EIF4E: variants seen among roughly 807,000 people sequenced by gnomAD.
EIF4E encodes the protein eIF-4F 25 kDa subunit.
For missense variants in EIF4E, 113 were observed against 265.6 expected (o/e 0.43, Z 3.99); for synonymous variants, 71 against 88.5 (o/e 0.80, Z 1.11).
At chr4:98,925,398 A>C (rs1296138044) in intron 1 of EIF4E, among the ~76,000 whole-genome samples, 1 of 152,258 alleles carries the variant, frequency 6.6e-6, no homozygotes, top group Non-Finnish European at 1.5e-5. Flanking sequence ...ACTGGAGGTA[A>C]GATGGCCTTG....
At chr4:98,905,234 A>T (rs992326686) in intron 1 of EIF4E, among the ~76,000 whole-genome samples, 4 of 150,668 alleles carry the variant, frequency 2.7e-5, no homozygotes, top group African/African-American at 9.8e-5. Context: ...GGGAATTTAA[A>T]AAAAAAAAAA....
chr4:98,901,565 C>T (rs1368303475), intron 2 of EIF4E, among the ~76,000 whole-genome samples: 1 of 152,182 alleles, frequency 6.6e-6, no homozygotes, highest in Non-Finnish European at 1.5e-5. Flanking sequence ...TCAACAAAAG[C>T]CTCCTATATG....
At chr4:98,904,100 C>T (rs186761040) in intron 1 of EIF4E, among the ~76,000 whole-genome samples, 147 of 151,316 alleles carry the variant, frequency 9.7e-4, no homozygotes, top group African/African-American at 3.4e-3. Flanking sequence ...ACTTTCAGAG[C>T]GTAACTCTGG....
chr4:98,893,822 A>C (rs1724253906), intron 2 of EIF4E, among the ~76,000 whole-genome samples: 2 of 152,200 alleles, frequency 1.3e-5, no homozygotes, highest in Non-Finnish European at 2.9e-5. Context: ...AGAATGCTCA[A>C]TCCTTTCGGA....
chr4:98,908,728 ATAT>A (rs1377124188), intron 1 of EIF4E, among the ~76,000 whole-genome samples: 1 of 152,248 alleles, frequency 6.6e-6, no homozygotes, highest in Non-Finnish European at 1.5e-5. Context: ...ATTTTCATAC[ATAT>A]TATCTCAACA....
At chr4:98,900,881 C>T (rs1261034968) in intron 2 of EIF4E, among the ~76,000 whole-genome samples, 1 of 152,126 alleles carries the variant, frequency 6.6e-6, no homozygotes, top group African/African-American at 2.4e-5. Flanking sequence ...ACAAACCAAC[C>T]AACCTTCAAA....
chr4:98,885,224 T>C (rs1214802611), intron 5 of EIF4E, among the ~76,000 whole-genome samples, 163 bp from the exon 6 acceptor site: 1 of 152,244 alleles, frequency 6.6e-6, no homozygotes, highest in Admixed American at 6.5e-5. Flanking sequence ...TGTCCTGACT[T>C]TTAAATACTC....
chr4:98,919,351 A>C (rs1312296432), intron 1 of EIF4E, among the ~76,000 whole-genome samples: 1 of 151,444 alleles, frequency 6.6e-6, no homozygotes, highest in Non-Finnish European at 1.5e-5. Context: ...AAAAAACAAA[A>C]AAAAACATTA....
At position 98,906,234 on chromosome 4, in the gene EIF4E, C is replaced by T. The variant is rs534410687; in HGVS notation, c.19-4252G>A. ...CAAAAAATTTTTTTCCAGGTTAAGACAAATCACCCAACACCTTATTTGAAG... is the reference window on the plus strand; with the variant it reads ...CAAAAAATTTTTTTCCAGGTTAAGATAAATCACCCAACACCTTATTTGAAG... On this transcript the variant is annotated intron_variant, in intron 1 of 6. Transcript: ENST00000450253. 1.3e-3 allele frequency among the ~76,000 whole-genome samples: 197 copies of T among 152,226 alleles called. 1 individual carries two copies. The highest frequency in any genetic ancestry group is 4.5e-3 in the African/African-American group (185 of 41,550).
chr4:98,883,393 A>T (rs561817975), intron 6 of EIF4E, among the ~76,000 whole-genome samples: 1,341 of 103,972 alleles, frequency 0.013, 12 homozygotes, highest in Non-Finnish European at 0.019. Context: ...TGTAAGTCAA[A>T]TTTTTTTTTT....
chr4:98,906,782 G>A (rs777303428), intron 1 of EIF4E, among the ~76,000 whole-genome samples: 1 of 152,122 alleles, frequency 6.6e-6, no homozygotes. Flanking sequence ...GAGATGCACT[G>A]CTTCTGATCA....
chr4:98,882,818 T>C (rs1325388795), intron 6 of EIF4E, among the ~76,000 whole-genome samples: 1 of 151,878 alleles, frequency 6.6e-6, no homozygotes, highest in East Asian at 1.9e-4. Context: ...AAAAAATTCT[T>C]AATTTAACTC....
chr4:98,913,323 A>AT (rs149221900), intron 1 of EIF4E, among the ~76,000 whole-genome samples: 11 of 150,840 alleles, frequency 7.3e-5, no homozygotes, highest in African/African-American at 2.2e-4. Flanking sequence ...TATCCAACAA[A>AT]TTTTTTTTTT....
intron 1 of EIF4E, among the ~76,000 whole-genome samples, chr4:98,912,030 G>A (rs1213119999): frequency 1.3e-5 from 2 of 151,796 alleles, no homozygotes; most frequent in Non-Finnish European, 2.9e-5. Flanking sequence ...CGAGGCGGGC[G>A]GATCACGAGG....
In EIF4E at chr4:98,918,409, T is replaced by C. The variant is rs117675228; in HGVS notation, c.18+10686A>G. On this transcript the variant is annotated intron_variant, in intron 1 of 6. Coordinates refer to ENST00000450253, the MANE Select transcript of EIF4E (RefSeq NM_001968.5). ...AAAAAATTAAAGATAAAAGAAAACG[T>C]ACATACCTATTTTATACTTTGTTTT... is the stretch of plus-strand genomic sequence containing the variant. Among the ~76,000 whole-genome samples, 257 of 150,340 alleles carry C rather than the reference T, an allele frequency of 1.7e-3. 8 individuals are homozygous for C. In the East Asian group the frequency reaches 0.048, roughly 28 times the overall value.
In EIF4E at chr4:98,880,743, T is replaced by C. The variant is rs1475325937; in HGVS notation, c.*285A>G. Reference sequence around the variant, plus strand: ...ATCTGTATGTAATTAATGGTAATTCTACTGAACTATTACAGAGTGGGCCAG... The same window carrying C: ...ATCTGTATGTAATTAATGGTAATTCCACTGAACTATTACAGAGTGGGCCAG... On this transcript the variant is annotated 3_prime_UTR_variant, in exon 7 of 7. Transcript: ENST00000450253. 1 of 249,504 alleles carries C rather than the reference T, an allele frequency of 4.0e-6. No homozygotes were observed. Among genetic ancestry groups the C allele is most frequent in the Non-Finnish European group, 7.8e-6 (1 of 128,754 alleles). 15.5% of individuals were successfully genotyped at this position (249,504 alleles called of 1,614,324 possible).
intron 1 of EIF4E, among the ~76,000 whole-genome samples, chr4:98,904,502 G>A (rs111624760): frequency 0.049 from 7,524 of 152,290 alleles, 615 homozygotes; most frequent in African/African-American, 0.17. Flanking sequence ...CGGGCATGGT[G>A]GCTCACGCCT....
chr4:98,900,030 A>T (rs1724580859), intron 2 of EIF4E, among the ~76,000 whole-genome samples: 1 of 151,768 alleles, frequency 6.6e-6, no homozygotes, highest in South Asian at 2.1e-4. Context: ...ACACTTAAGA[A>T]TCCCTTCTTA....
intron 2 of EIF4E, 128 bp from the exon 3 acceptor site, chr4:98,891,460 A>G (rs1724139500): frequency 1.3e-6 from 1 of 752,268 alleles, no homozygotes; most frequent in Non-Finnish European, 2.3e-6. Flanking sequence ...AAATGTATAT[A>G]TACACACAAT....
Sources: gnomAD v4.1 joint callset for allele counts (sites outside exome capture counted in the v4.1 genomes callset) on GRCh38, gnomAD v4.1.1 for gene constraint, MANE v1.5 for transcripts, NCBI Gene and HGNC (gene_info 2026-07-23, HGNC 2026-07-21) for gene names.